Variants in PZP observed in about 807,000 individuals in gnomAD.
PZP encodes pregnancy zone protein.
In PZP, 150 loss-of-function variants were observed where a neutral mutation model predicts 179.8. That is an observed-to-expected ratio of 0.83 (90% CI 0.73 to 0.96). The LOEUF (loss-of-function observed/expected upper bound fraction) is 0.96. Among genes scored for constraint, PZP ranks in the 40% least tolerant of loss-of-function variants. The pLI, the probability that PZP is intolerant of heterozygous loss-of-function variation, is 0.00. For synonymous variants in PZP, 624 were observed against 652.3 expected, an observed-to-expected ratio of 0.96 and a Z score of 0.66; for missense variants, 1,689 against 1,764.0, an observed-to-expected ratio of 0.96 and a Z score of 0.76.
chr12:9,195,415 C>T (rs1433566591), intron 10 of PZP, among the ~76,000 whole-genome samples: 1 of 151,512 alleles, frequency 6.6e-6, no homozygotes, highest in Non-Finnish European at 1.5e-5. Flanking sequence ...TTCCCCTTCC[C>T]CTTTTTCCTT....
chr12:9,169,468 A>G lies in PZP; in HGVS notation c.1963T>C (p.Leu655=), dbSNP rs761335225. 6.2e-7 allele frequency: 1 copy of G among 1,611,256 alleles called. No individual in the cohort carries two copies. The highest frequency in any genetic ancestry group is 2.2e-5 in the East Asian group (1 of 44,806). ...FIHNGAIYVP[L]SSNEADIYSF... is the part of the protein sequence containing the mutation. ...TAAATATCTGCTTCATTACTTGATA[A>G]GGGAACATAGATGGCTCCATTATGA... Residue 655 remains leucine, a synonymous_variant, in exon 16 of 36, where the codon TTA becomes CTA. Transcript: ENST00000261336.
intron 13 of PZP, among the ~76,000 whole-genome samples, chr12:9,184,804 G>A (rs1280300572): frequency 6.6e-6 from 1 of 152,178 alleles, no homozygotes; most frequent in African/African-American, 2.4e-5. Flanking sequence ...GTCCTGAACT[G>A]AGCCTTGCTC....
chr12:9,207,661 T>C (rs1009153177), intron 1 of PZP, among the ~76,000 whole-genome samples: 1 of 152,180 alleles, frequency 6.6e-6, no homozygotes, highest in African/African-American at 2.4e-5. Flanking sequence ...ACGGAGAACT[T>C]TGAGACCAAG....
downstream of PZP, among the ~76,000 whole-genome samples, chr12:9,146,572 C>G (rs1940020489): frequency 6.6e-6 from 1 of 152,084 alleles, no homozygotes; most frequent in African/African-American, 2.4e-5. Flanking sequence ...TTTTCTTTGA[C>G]TCTCTGTGTT....
chr12:9,203,816 G>A lies in PZP; in HGVS notation c.219C>T (p.Phe73=), dbSNP rs139802563. 2 of 1,614,040 alleles carry A rather than the reference G, an allele frequency of 1.2e-6. No individual in the cohort carries two copies. Among genetic ancestry groups the A allele is most frequent in the African/African-American group, 2.7e-5 (2 of 74,928 alleles). The part of the protein sequence containing the change: ...LESGRENRSL[F]TDLVAEKDLF... ...AGTCCTTCTCCGCCACCAGGTCAGT[G>A]AAGAGGCTCCTGTTTTCCCTGCCAG... Residue 73 remains phenylalanine (F), a synonymous_variant, in exon 2 of 36, where the codon TTC becomes TTT. Coordinates refer to ENST00000261336, the MANE Select transcript of PZP (RefSeq NM_002864.3).
chr12:9,160,212 T>TA, intron 24 of PZP, 102 bp downstream of exon 24: 1 of 1,247,948 alleles, frequency 8.0e-7, no homozygotes, highest in Admixed American at 2.2e-5. Flanking sequence ...GTTGTTTTCA[T>TA]AAAAATTATC....
At chr12:9,169,648 A>G in intron 15 of PZP, 57 bp from the exon 16 acceptor site, 1 of 1,442,426 alleles carries the variant, frequency 6.9e-7, no homozygotes, top group East Asian at 2.5e-5. Context: ...TTTGAAATAG[A>G]ATGAACTGAG....
chr12:9,173,861 A>G (rs1181647952), intron 15 of PZP, among the ~76,000 whole-genome samples: 3 of 152,214 alleles, frequency 2.0e-5, no homozygotes, highest in East Asian at 3.8e-4. Context: ...AAAAAAGCCC[A>G]GGACCAGATG....
At position 9,159,956 on chromosome 12, in the gene PZP, C is replaced by G; in HGVS notation, c.3119G>C (p.Arg1040Thr). The change falls in exon 25 of 36, where the codon AGG (arginine) becomes ACG (threonine). Residue 1040 changes from arginine (R) to threonine (T), a missense_variant. By Grantham distance (71) the Arg-to-Thr change is moderately conservative. Coordinates refer to ENST00000261336, the MANE Select transcript of PZP (RefSeq NM_002864.3). ...TTCTTACCAAGTGTTGCCCTGGTTC[C>G]TGCCATATCGTTCCCCAAAGGTGCT... ...SYSTFGERYGRNQGNTWLTAF... is the reference protein window; with the variant it reads ...SYSTFGERYGTNQGNTWLTAF... 6.2e-7 allele frequency: 1 copy of G among 1,613,284 alleles called. No individual in the cohort carries two copies. Among genetic ancestry groups the G allele is most frequent in the Non-Finnish European group, 8.5e-7 (1 of 1,179,298 alleles).
intron 28 of PZP, among the ~76,000 whole-genome samples, chr12:9,155,265 G>T (rs1468111830): frequency 1.3e-5 from 2 of 152,102 alleles, no homozygotes; most frequent in Non-Finnish European, 2.9e-5. Context: ...AAATGTTATT[G>T]CATTTTCTGT....
chr12:9,169,749 A>G, intron 15 of PZP, 158 bp from the exon 16 acceptor site: 1 of 617,788 alleles, frequency 1.6e-6, no homozygotes, highest in Non-Finnish European at 2.4e-6. Flanking sequence ...TATATTTAAC[A>G]GTGTTGTTTT....
chr12:9,163,801 A>C lies in PZP; in HGVS notation c.2615-12T>G. The C allele has an allele frequency of 1.9e-6, 3 of 1,609,352 alleles. No individual in the cohort carries two copies. Among genetic ancestry groups the C allele is most frequent in the Non-Finnish European group, 2.5e-6 (3 of 1,178,498 alleles). ...GAAGTTCACATTCCCTAAAACAAGG[A>C]ATATTGAAAACATGAGTATCCACTT... On this transcript the variant is annotated splice_polypyrimidine_tract_variant and intron_variant, in intron 20 of 35. Coordinates refer to ENST00000261336, the MANE Select transcript of PZP (RefSeq NM_002864.3).
At chr12:9,144,060 A>G (rs767324485), downstream of PZP, among the ~76,000 whole-genome samples, 1 of 152,274 alleles carries the variant, frequency 6.6e-6, no homozygotes, top group African/African-American at 2.4e-5. Flanking sequence ...GTACCATGAG[A>G]AAGTCAGGGG....
intron 28 of PZP, 132 bp from the exon 29 acceptor site, chr12:9,154,971 ACTC>A (rs1565624139): frequency 1.1e-6 from 1 of 906,204 alleles, no homozygotes; most frequent in Admixed American, 2.7e-5. Flanking sequence ...TATGTCATAA[ACTC>A]CTAAAACTCA....
Position 9,149,478 on chromosome 12 carries a change from C to G in PZP, c.4426+83G>C, listed in dbSNP as rs1940190080. 8 of 1,363,436 alleles carry G rather than the reference C, an allele frequency of 5.9e-6. No homozygotes were observed. In the Admixed American group the frequency reaches 1.0e-4, roughly 17 times the overall value. 84.5% of individuals were successfully genotyped at this position (1,363,436 alleles called of 1,614,324 possible). ...TGGATTGTCTCAGATGTAGGAAAAG[C>G]CTTGTAGAGAATTTAAATTGCAGGG... On this transcript the variant is annotated intron_variant, in intron 35 of 35. Transcript: ENST00000261336.
At chr12:9,202,278 C>T (rs761172484) in intron 4 of PZP, 41 bp downstream of exon 4, 2 of 1,525,266 alleles carry the variant, frequency 1.3e-6, no homozygotes, top group Admixed American at 1.7e-5. Context: ...TGAGTATTCC[C>T]ACTCTACCCA....
intron 15 of PZP, among the ~76,000 whole-genome samples, chr12:9,178,050 G>A (rs1487599466): frequency 1.3e-5 from 2 of 152,064 alleles, no homozygotes; most frequent in East Asian, 1.9e-4. Flanking sequence ...TAATTATTAC[G>A]CTATGAGGAG....
chr12:9,197,665 TTA>T (rs57401152), intron 7 of PZP, among the ~76,000 whole-genome samples: 3 of 104,424 alleles, frequency 2.9e-5, no homozygotes, highest in East Asian at 2.4e-4. Flanking sequence ...TATAAAATTA[TTA>T]TATATATTAT....
chr12:9,206,132 C>G (rs1466063421), intron 1 of PZP, among the ~76,000 whole-genome samples: 1 of 152,056 alleles, frequency 6.6e-6, no homozygotes, highest in East Asian at 1.9e-4. Flanking sequence ...TATCTGGATG[C>G]TTCTGATCTC....
Sources: allele counts gnomAD v4.1 joint callset (sites outside exome capture counted in the v4.1 genomes callset), GRCh38; gene constraint gnomAD v4.1.1; transcripts MANE v1.5; gene names NCBI Gene and HGNC (gene_info 2026-07-23, HGNC 2026-07-21).